The following KLHL7 variants were observed in gnomAD, a reference collection of about 807,000 sequenced individuals.
KLHL7 encodes the protein kelch like family member 7, also known as kelch-like protein 7.
Under a neutral mutation model 67.4 loss-of-function variants are expected in KLHL7, and 44 were observed. That is an observed-to-expected ratio of 0.65 (90% CI 0.51 to 0.84). The LOEUF (loss-of-function observed/expected upper bound fraction) is 0.84. Ranked by LOEUF, KLHL7 falls within the 40% of genes least tolerant of loss-of-function variation. KLHL7 has a pLI of 0.00. For missense variants in KLHL7, 362 were observed against 718.1 expected (o/e 0.50, Z 5.67); for synonymous variants, 252 against 243.3 (o/e 1.04, Z -0.33).
At chr7:23,135,754 T>A (rs1783954172) in intron 4 of KLHL7, among the ~76,000 whole-genome samples, 1 of 152,110 alleles carries the variant, frequency 6.6e-6, no homozygotes, top group African/African-American at 2.4e-5. Context: ...TCTGAATGAG[T>A]GACTGTGTAA....
Position 23,123,823 on chromosome 7 carries a change from C to T in KLHL7, c.167C>T (p.Pro56Leu), listed in dbSNP as rs916636518. The change falls in exon 2 of 11, where the codon CCT (proline) becomes CTT (leucine). Residue 56 changes from proline (P) to leucine (L), a missense_variant. Around this residue, in one of 5 missense-constraint regions of KLHL7, gnomAD observed 57 missense variants for 81.7 expected, o/e 0.70. Coordinates refer to ENST00000339077, the MANE Select transcript of KLHL7 (RefSeq NM_001031710.3). ...VILMVQERKI[P>L]AHRVVLAAAS... ...CTCATGGTCCAGGAAAGAAAGATAC[C>T]TGCTCATCGTGTTGTTCTTGCTGCA... is the stretch of plus-strand genomic sequence containing the variant. 6.2e-7 allele frequency: 1 copy of T among 1,613,608 alleles called. No individual in the cohort carries two copies. The highest frequency in any genetic ancestry group is 8.5e-7 in the Non-Finnish European group (1 of 1,179,900).
At chr7:23,127,546 T>C (rs979150332) in intron 4 of KLHL7, among the ~76,000 whole-genome samples, 8 of 152,082 alleles carry the variant, frequency 5.3e-5, no homozygotes, top group African/African-American at 1.7e-4. Context: ...AGCTTAGTTT[T>C]CACCACCTGT....
chr7:23,170,824 A>C (rs1165166975), intron 9 of KLHL7, among the ~76,000 whole-genome samples: 1 of 152,216 alleles, frequency 6.6e-6, no homozygotes, highest in Admixed American at 6.5e-5. Flanking sequence ...AGAAGCTCAT[A>C]ATAAAGTAAC....
chr7:23,140,074 A>G (rs1456966261), intron 4 of KLHL7, among the ~76,000 whole-genome samples: 2 of 152,172 alleles, frequency 1.3e-5, no homozygotes. Flanking sequence ...TTTTAAGTGG[A>G]GCTCCTCCAT....
intron 10 of KLHL7, 105 bp downstream of exon 10, chr7:23,173,150 A>G (rs1198836842): frequency 1.2e-5 from 9 of 739,112 alleles, no homozygotes; most frequent in South Asian, 7.8e-5. Context: ...TTTACCATGT[A>G]TATTATTATA....
chr7:23,165,627 G>A, intron 7 of KLHL7, 71 bp from the exon 8 acceptor site: 1 of 1,526,726 alleles, frequency 6.5e-7, no homozygotes. Context: ...TTTTTTGACT[G>A]TATCTTTGCA....
At chr7:23,121,181 G>T (rs1031565373) in intron 1 of KLHL7, among the ~76,000 whole-genome samples, 4 of 152,148 alleles carry the variant, frequency 2.6e-5, no homozygotes, top group Non-Finnish European at 5.9e-5. Context: ...TCTTTGCTAT[G>T]GCTGAATATT....
chr7:23,151,433 T>C (rs1204552509), intron 6 of KLHL7, among the ~76,000 whole-genome samples: 2 of 152,210 alleles, frequency 1.3e-5, no homozygotes, highest in East Asian at 1.9e-4. Flanking sequence ...TTATTGCATT[T>C]TAGAGTCATC....
At chr7:23,137,054 G>C (rs192087638) in intron 4 of KLHL7, among the ~76,000 whole-genome samples, 1 of 152,342 alleles carries the variant, frequency 6.6e-6, no homozygotes, top group East Asian at 1.9e-4. Flanking sequence ...GGAGGCCAAG[G>C]TGGGCGGATC....
chr7:23,173,080 A>G, intron 10 of KLHL7, 35 bp downstream of exon 10: 1 of 1,466,798 alleles, frequency 6.8e-7, no homozygotes, highest in South Asian at 1.1e-5. Flanking sequence ...CACTTTCCTG[A>G]TGAGTTTGCT....
intron 9 of KLHL7, among the ~76,000 whole-genome samples, chr7:23,171,762 T>G (rs570493008): frequency 1.3e-5 from 2 of 152,226 alleles, no homozygotes; most frequent in Admixed American, 1.3e-4. Context: ...CAGGCTGCAG[T>G]GCAGTGGCGT....
intron 6 of KLHL7, among the ~76,000 whole-genome samples, chr7:23,150,797 C>CT (rs1465608194): frequency 6.6e-6 from 1 of 152,158 alleles, no homozygotes; most frequent in Non-Finnish European, 1.5e-5. Flanking sequence ...GCAGTTTGAT[C>CT]TTGGCCAATC....
At chr7:23,167,697 T>A in intron 8 of KLHL7, 139 bp from the exon 9 acceptor site, 1 of 714,216 alleles carries the variant, frequency 1.4e-6, no homozygotes, top group Non-Finnish European at 2.4e-6. Flanking sequence ...TTCCTACACT[T>A]TGTTGTTGTT....
intron 1 of KLHL7, chr7:23,117,889 T>C (rs1220616163): frequency 6.2e-7 from 1 of 1,614,072 alleles, no homozygotes. Flanking sequence ...CAGGGATTTA[T>C]ACTCAATGCC....
At chr7:23,120,766 A>C (rs1044550610) in intron 1 of KLHL7, among the ~76,000 whole-genome samples, 2 of 152,082 alleles carry the variant, frequency 1.3e-5, no homozygotes, top group African/African-American at 4.8e-5. Context: ...GGGTCTCACT[A>C]TGTTGCCTAG....
Position 23,174,389 on chromosome 7 carries a change from T to C in KLHL7, c.*91T>C. ...GTTTGGTGACAAAGTTTTGGTTTGG[T>C]GTTTTGGTAAAGAAAGTTTCAAGTG... On this transcript the variant is annotated 3_prime_UTR_variant, in exon 11 of 11. Transcript: ENST00000339077. 1 of 1,390,194 alleles carries C rather than the reference T, an allele frequency of 7.2e-7. No homozygotes were observed. Among genetic ancestry groups the C allele is most frequent in the South Asian group, 1.2e-5 (1 of 85,028 alleles). The allele number at this position is 1,390,194 out of a possible 1,614,324, so 86.1% of individuals were successfully genotyped here. A position where few individuals can be genotyped will look rare whatever the true frequency, so the allele number is the denominator to read the frequency against.
chr7:23,150,401 ATT>A (rs1196216979), intron 6 of KLHL7, among the ~76,000 whole-genome samples: 3 of 152,136 alleles, frequency 2.0e-5, no homozygotes, highest in Non-Finnish European at 2.9e-5. Flanking sequence ...CATGTGTAAA[ATT>A]TGTATATTTG....
chr7:23,146,349 A>G (rs928861660), intron 6 of KLHL7, among the ~76,000 whole-genome samples: 7 of 152,182 alleles, frequency 4.6e-5, no homozygotes, highest in African/African-American at 1.7e-4. Context: ...GGTTTAACAG[A>G]CACTCCATCT....
intron 6 of KLHL7, among the ~76,000 whole-genome samples, chr7:23,147,020 A>T (rs1562577537): frequency 6.8e-6 from 1 of 147,564 alleles, no homozygotes; most frequent in East Asian, 2.0e-4. Context: ...TAATTTTCTT[A>T]ATTTATTTCA....
Sources: gnomAD v4.1 joint callset for allele counts (sites outside exome capture counted in the v4.1 genomes callset) on GRCh38, gnomAD v4.1.1 for gene constraint, gnomAD v4.1.1 regional missense constraint, MANE v1.5 for transcripts, NCBI Gene and HGNC (gene_info 2026-07-23, HGNC 2026-07-21) for gene names.